The following CREG1 variants were observed in gnomAD, a reference collection of about 807,000 sequenced individuals.
CREG1 encodes cellular repressor of E1A stimulated genes 1.
A neutral mutation model predicts 19.9 loss-of-function variants in CREG1; 20 were observed. The observed-to-expected ratio is 1.01, with a 90% CI of 0.71 to 1.46. The LOEUF is 1.46. CREG1 is among the 40% of genes most tolerant of loss of function. The pLI is 0.00. For synonymous variants in CREG1, 141 were observed against 143.3 expected, an observed-to-expected ratio of 0.98 and a Z score of 0.12; for missense variants, 290 against 314.9, an observed-to-expected ratio of 0.92 and a Z score of 0.60.
chr1:167,546,571 G>A (rs1341474503), intron 2 of CREG1, among the ~76,000 whole-genome samples: 1 of 152,154 alleles, frequency 6.6e-6, no homozygotes, highest in African/African-American at 2.4e-5. Flanking sequence ...GAACCCGGGA[G>A]GCGGAGCTTG....
Position 167,546,431 on chromosome 1 carries a change from C to G in CREG1, c.475-146G>C, listed in dbSNP as rs148972296. On this transcript the variant is annotated intron_variant, in intron 2 of 3. Coordinates refer to ENST00000370509, the MANE Select transcript of CREG1 (RefSeq NM_003851.3). ...GGCCAAGGCGGGCGGATCACGAGGT[C>G]AGGAGACTCAGACCATCTTGGCTAA... 1,693 of 511,810 alleles carry G rather than the reference C, an allele frequency of 3.3e-3. 26 individuals are homozygous for G. Among genetic ancestry groups the G allele is most frequent in the African/African-American group, 0.029 (1,491 of 50,612 alleles). The allele number at this position is 511,810 out of a possible 1,614,324, so 31.7% of individuals were successfully genotyped here. A position where few individuals can be genotyped will look rare whatever the true frequency, so the allele number is the denominator to read the frequency against.
chr1:167,552,774 C>T (rs956792994), intron 1 of CREG1, among the ~76,000 whole-genome samples: 23 of 152,118 alleles, frequency 1.5e-4, no homozygotes, highest in African/African-American at 3.9e-4. Context: ...AGGCAGGGCG[C>T]GGTGGTTCAC....
chr1:167,547,904 G>T, intron 2 of CREG1, 98 bp downstream of exon 2: 2 of 1,363,324 alleles, frequency 1.5e-6, no homozygotes, highest in African/African-American at 1.4e-5. Context: ...CTGGGAGACA[G>T]AGTGAGACTC....
chr1:167,547,370 A>G (rs1656346978), intron 2 of CREG1, among the ~76,000 whole-genome samples: 2 of 152,200 alleles, frequency 1.3e-5, no homozygotes, highest in Non-Finnish European at 2.9e-5. Context: ...CATTATACCA[A>G]TGTAAAATGT....
At chr1:167,552,992 A>G (rs1287664060) in intron 1 of CREG1, among the ~76,000 whole-genome samples, 2 of 151,962 alleles carry the variant, frequency 1.3e-5, no homozygotes, top group Non-Finnish European at 2.9e-5. Flanking sequence ...GGTTGCAGTA[A>G]GCTGAGATAG....
intron 1 of CREG1, among the ~76,000 whole-genome samples, chr1:167,549,662 C>T (rs1656390970): frequency 6.6e-6 from 1 of 151,926 alleles, no homozygotes; most frequent in Non-Finnish European, 1.5e-5. Context: ...GGATTACAGG[C>T]GTGAGACACC....
intron 3 of CREG1, 114 bp from the exon 4 acceptor site, chr1:167,542,415 A>C: frequency 9.7e-7 from 1 of 1,029,672 alleles, no homozygotes; most frequent in Non-Finnish European, 1.4e-6. Flanking sequence ...TAAGATTTTC[A>C]GTTCATTTCA....
Position 167,553,758 on chromosome 1 carries a change from A to G in CREG1, c.-17T>C. 2.4e-6 allele frequency: 3 copies of G among 1,236,200 alleles called. No individual in the cohort carries two copies. The highest frequency in any genetic ancestry group is 3.1e-6 in the Non-Finnish European group (3 of 978,180). 76.6% of individuals were successfully genotyped at this position (1,236,200 alleles called of 1,614,324 possible). Reference sequence around the variant, plus strand: ...CCCGGCCATGGCGGTGTCTCCAGGAAGAGTCCCGGGCCCCAAGACCTGCAG... The same window carrying G: ...CCCGGCCATGGCGGTGTCTCCAGGAGGAGTCCCGGGCCCCAAGACCTGCAG... On this transcript the variant is annotated 5_prime_UTR_variant, in exon 1 of 4. Coordinates refer to ENST00000370509, the MANE Select transcript of CREG1 (RefSeq NM_003851.3).
At chr1:167,543,799 G>T (rs112145451) in intron 3 of CREG1, among the ~76,000 whole-genome samples, 1 of 151,070 alleles carries the variant, frequency 6.6e-6, no homozygotes, top group Non-Finnish European at 1.5e-5. Context: ...CCTTTGGGCC[G>T]CCTCTCAGGA....
intron 1 of CREG1, among the ~76,000 whole-genome samples, chr1:167,548,518 T>C (rs909732740): frequency 6.6e-5 from 10 of 152,370 alleles, no homozygotes; most frequent in African/African-American, 2.2e-4. Context: ...AGTTGCTCAA[T>C]TGGCTAACTA....
intron 1 of CREG1, among the ~76,000 whole-genome samples, chr1:167,548,469 G>C (rs1656367013): frequency 7.0e-6 from 1 of 142,196 alleles, no homozygotes; most frequent in African/African-American, 2.4e-5. Context: ...AAGATTTAAA[G>C]GGTTAAACTC....
intron 1 of CREG1, among the ~76,000 whole-genome samples, chr1:167,550,281 A>T (rs1050978723): frequency 6.6e-6 from 1 of 151,646 alleles, no homozygotes; most frequent in South Asian, 2.1e-4. Flanking sequence ...GAGCCTCCGC[A>T]CCCGCCTCTA....
In CREG1 at chr1:167,553,598, C is replaced by T. The variant is rs1656468794; in HGVS notation, c.144G>A (p.Pro48=). 4 of 1,414,558 alleles carry T rather than the reference C, an allele frequency of 2.8e-6. No individual in the cohort carries two copies. Among genetic ancestry groups the T allele is most frequent in the Non-Finnish European group, 3.7e-6 (4 of 1,089,016 alleles). The allele number at this position is 1,414,558 out of a possible 1,614,324, so 87.6% of individuals were successfully genotyped here. A position where few individuals can be genotyped will look rare whatever the true frequency, so the allele number is the denominator to read the frequency against. The change falls in exon 1 of 4, where the codon CCG becomes CCA. Residue 48 remains proline, a synonymous_variant. Coordinates refer to ENST00000370509, the MANE Select transcript of CREG1 (RefSeq NM_003851.3). The part of the protein sequence containing the change: ...GDWDEASRLP[P]LPPREDAARV... ...GCGCCGCGTCCTCGCGGGGTGGTAG[C>T]GGCGGCAGCCGGGAGGCCTCGTCCC...
chr1:167,548,156 A>T (rs375517047), intron 1 of CREG1, 35 bp from the exon 2 acceptor site: 1 of 1,563,922 alleles, frequency 6.4e-7, no homozygotes, highest in African/African-American at 1.4e-5. Context: ...CTCATGTGAA[A>T]TATGGTTTCT....
At position 167,542,023 on chromosome 1, in the gene CREG1, T is replaced by C. The variant is rs1656235275; in HGVS notation, c.*275A>G. 2 of 331,982 alleles carry C rather than the reference T, an allele frequency of 6.0e-6. No individual in the cohort carries two copies. Among genetic ancestry groups the C allele is most frequent in the East Asian group, 1.0e-4 (2 of 19,256 alleles). 20.6% of individuals were successfully genotyped at this position (331,982 alleles called of 1,614,324 possible). A position where few individuals can be genotyped will look rare whatever the true frequency, so the allele number is the denominator to read the frequency against. The stretch of plus-strand genomic sequence containing the variant: ...CCACTGGAAACATCTTTGGAATTGA[T>C]GGGACAAAACTTATTTGATTATAGT... On this transcript the variant is annotated 3_prime_UTR_variant, in exon 4 of 4. Transcript: ENST00000370509.
rs1163938412 is a variant in CREG1, at chr1:167,542,365, T to A, written c.660-64A>T. Reference sequence around the variant, plus strand: ...GGGTTAACAAATCTTAAAAATTAATTCATTCTAGGGAAGGACTAGATAAAA... The same window carrying A: ...GGGTTAACAAATCTTAAAAATTAATACATTCTAGGGAAGGACTAGATAAAA... On this transcript the variant is annotated intron_variant, in intron 3 of 3. Transcript: ENST00000370509. 5 of 1,481,204 alleles carry A rather than the reference T, an allele frequency of 3.4e-6. No individual in the cohort carries two copies. In the African/African-American group the frequency reaches 5.6e-5, roughly 17 times the overall value. 91.8% of individuals were successfully genotyped at this position (1,481,204 alleles called of 1,614,324 possible).
At position 167,553,575 on chromosome 1, in the gene CREG1, G is replaced by T. The variant is rs936532492; in HGVS notation, c.167C>A (p.Ala56Glu). Residue 56 changes from alanine (A) to glutamate (E), a missense_variant, in exon 1 of 4, where the codon GCG becomes GAG. Coordinates refer to ENST00000370509, the MANE Select transcript of CREG1 (RefSeq NM_003851.3). Reference protein sequence around the residue: ...LPPLPPREDAARVARFVTHVS... With the variant: ...LPPLPPREDAERVARFVTHVS... ...GTGCGTCACGAAGCGGGCCACGCGC[G>T]CCGCGTCCTCGCGGGGTGGTAGCGG... is the stretch of plus-strand genomic sequence containing the variant. 2.8e-6 allele frequency: 4 copies of T among 1,441,836 alleles called. No individual in the cohort carries two copies. Among genetic ancestry groups the T allele is most frequent in the Non-Finnish European group, 3.6e-6 (4 of 1,102,634 alleles). The allele number at this position is 1,441,836 out of a possible 1,614,324, so 89.3% of individuals were successfully genotyped here.
intron 1 of CREG1, among the ~76,000 whole-genome samples, chr1:167,552,425 G>A (rs1239533059): frequency 6.6e-6 from 1 of 152,134 alleles, no homozygotes. Flanking sequence ...GTGTGTCTCC[G>A]GCCTCCCAAG....
intron 3 of CREG1, among the ~76,000 whole-genome samples, chr1:167,542,692 G>A (rs1225455078): frequency 1.3e-5 from 2 of 152,226 alleles, no homozygotes; most frequent in Non-Finnish European, 2.9e-5. Context: ...CTGAACATCA[G>A]GGCAGAAGAG....
Sources: allele counts gnomAD v4.1 joint callset (sites outside exome capture counted in the v4.1 genomes callset), GRCh38; gene constraint gnomAD v4.1.1; transcripts MANE v1.5; gene names NCBI Gene and HGNC (gene_info 2026-07-23, HGNC 2026-07-21).